CIC: variants seen among roughly 807,000 people sequenced by gnomAD.
CIC encodes capicua transcriptional repressor, also known as protein capicua homolog.
Under a neutral mutation model 115.7 loss-of-function variants are expected in CIC, and 18 were observed. That is an observed-to-expected ratio of 0.16 (90% confidence interval 0.11 to 0.23). The LOEUF (loss-of-function observed/expected upper bound fraction) is 0.23, where lower values mean the gene tolerates loss of function less well. Among genes scored for constraint, CIC ranks in the 10% least tolerant of loss-of-function variants. CIC has a pLI of 1.00. For missense variants in CIC, 2,000 were observed against 2,159.3 expected (o/e 0.93, Z 1.46); for synonymous variants, 1,076 against 923.0 (o/e 1.17, Z -3.01).
chr19:42,284,734 C>G, intron 2 of CIC: 1 of 1,556,666 alleles, frequency 6.4e-7, no homozygotes, highest in Non-Finnish European at 8.7e-7. Flanking sequence ...CCCTGATGCC[C>G]GCGTCCAGCG....
In CIC at chr19:42,274,209, C is replaced by T. The variant is rs182324598; in HGVS notation, c.2426C>T (p.Ser809Leu). The T allele has an allele frequency of 1.3e-5, 5 of 398,844 alleles. No individual in the cohort carries two copies. Among genetic ancestry groups the T allele is most frequent in the Non-Finnish European group, 2.2e-5 (5 of 226,186 alleles). 24.7% of individuals were successfully genotyped at this position (398,844 alleles called of 1,614,324 possible). Reference sequence around the variant, plus strand: ...AGGGTGCCTGCTGTGCAGCGGGACTCACCTGTTATTGTCCGCAACCCTGAT... The same window carrying T: ...AGGGTGCCTGCTGTGCAGCGGGACTTACCTGTTATTGTCCGCAACCCTGAT... ...VRRVPAVQRD[S>L]PVIVRNPDVP... Residue 809 changes from serine to leucine, a missense_variant, in exon 2 of 21, where the codon TCA (serine) becomes TTA (leucine). Ser to Leu is a moderately radical substitution (Grantham distance 145, BLOSUM62 -2). Transcript: ENST00000681038.
intron 2 of CIC, among the ~76,000 whole-genome samples, chr19:42,281,020 C>T (rs926429473): frequency 6.6e-6 from 1 of 151,832 alleles, no homozygotes; most frequent in Non-Finnish European, 1.5e-5. Context: ...ACCCCAGCCC[C>T]ACTCACACTG....
In CIC at chr19:42,278,963, A is replaced by C. The variant is rs545241164; in HGVS notation, c.2794+4386A>C. Among the ~76,000 whole-genome samples the C allele has an allele frequency of 2.8e-3, 425 of 152,342 alleles. 1 individual carries two copies. The highest frequency in any genetic ancestry group is 4.4e-3 in the Non-Finnish European group (299 of 68,018). The stretch of plus-strand genomic sequence containing the variant: ...AGGAGATCCGGCTGTAGGGGGCGGC[A>C]GGAAAGAAGCTTCAGTGCCCACCCA... On this transcript the variant is annotated intron_variant, in intron 2 of 20. Transcript: ENST00000681038.
chr19:42,291,809 C>CT (rs978257107), intron 12 of CIC, 64 bp downstream of exon 12: 116 of 1,588,682 alleles, frequency 7.3e-5, no homozygotes, highest in East Asian at 3.1e-4. Context: ...ATTTCTTTGT[C>CT]TTTTTTTTCA....
rs2036826229 is a variant in CIC, at chr19:42,272,486, C to T, written c.703C>T (p.Pro235Ser). 2.5e-6 allele frequency: 1 copy of T among 398,452 alleles called. No individual in the cohort carries two copies. Among genetic ancestry groups the T allele is most frequent in the African/African-American group, 2.1e-5 (1 of 48,622 alleles). The allele number at this position is 398,452 out of a possible 1,614,324, so 24.7% of individuals were successfully genotyped here. Residue 235 changes from proline (P) to serine (S), a missense_variant, in exon 2 of 21, where the codon CCT (proline) becomes TCT (serine). This residue lies in a region of CIC where 222 missense variants were observed against 247.7 expected (regional missense o/e 0.90). Coordinates refer to ENST00000681038, the MANE Select transcript of CIC (RefSeq NM_001386298.1). ...AAGCCAGGACCTGGGCGTGCAGTTC[C>T]CTGGTGACCGAGCCCTGACTTTCTA... ...RRSQDLGVQFPGDRALTFYEG... is the reference protein window; with the variant it reads ...RRSQDLGVQFSGDRALTFYEG...
chr19:42,291,447 C>T lies in CIC; in HGVS notation c.5406C>T (p.Pro1802=), dbSNP rs1192982503. 6.2e-7 allele frequency: 1 copy of T among 1,612,980 alleles called. No individual in the cohort carries two copies. Among genetic ancestry groups the T allele is most frequent in the Admixed American group, 1.7e-5 (1 of 60,000 alleles). The change falls in exon 11 of 21, where the codon CCC becomes CCT. Residue 1802 remains proline (P), a synonymous_variant. Coordinates refer to ENST00000681038, the MANE Select transcript of CIC (RefSeq NM_001386298.1). Reference sequence around the variant, plus strand: ...GCATCCCCATCCTGCAGTCTGTACCCTCCGCCCCACCCCCCAAAGGTGAGA... The same window carrying T: ...GCATCCCCATCCTGCAGTCTGTACCTTCCGCCCCACCCCCCAAAGGTGAGA... ...TPGIPILQSV[P]SAPPPKAQSV... is the part of the protein sequence containing the mutation.
rs1370848225 is a variant in CIC at position 42,293,635 on chromosome 19, G to A, written c.6566G>A (p.Gly2189Glu). Residue 2189 changes from glycine (G) to glutamate (E), a missense_variant, in exon 17 of 21, where the codon GGG becomes GAG. Physicochemically the swap from Gly to Glu is moderately conservative, Grantham distance 98. Coordinates refer to ENST00000681038, the MANE Select transcript of CIC (RefSeq NM_001386298.1). ...PSSSSDWRVP[G>E]QGLENRGEPP... The stretch of plus-strand genomic sequence containing the variant: ...TCATCTTCAGACTGGCGCGTCCCTG[G>A]GCAGGGCCTGGAGAATCGTGGGGAG... 4 of 1,613,456 alleles carry A rather than the reference G, an allele frequency of 2.5e-6. No individual in the cohort carries two copies. The highest frequency in any genetic ancestry group is 2.2e-5 in the East Asian group (1 of 44,874).
At position 42,273,158 on chromosome 19, in the gene CIC, T is replaced by A; in HGVS notation, c.1375T>A (p.Ser459Thr). The A allele has an allele frequency of 2.5e-6, 1 of 398,562 alleles. No individual in the cohort carries two copies. The highest frequency in any genetic ancestry group is 4.4e-6 in the Non-Finnish European group (1 of 226,094). The allele number at this position is 398,562 out of a possible 1,614,324, so 24.7% of individuals were successfully genotyped here. Reference protein sequence around the residue: ...QGGSRSSSVASLEKGTAPAAR... With the variant: ...QGGSRSSSVATLEKGTAPAAR... ...CGGCAGCCGCAGCAGCAGCGTGGCC[T>A]CCCTGGAAAAGGGGACAGCACCGGC... Residue 459 changes from serine (S) to threonine (T), a missense_variant, in exon 2 of 21, where the codon TCC (serine) becomes ACC (threonine). Ser to Thr is a moderately conservative substitution (Grantham distance 58). This residue lies in a region of CIC where 222 missense variants were observed against 247.7 expected (regional missense o/e 0.90). Transcript: ENST00000681038.
At position 42,271,886 on chromosome 19, in the gene CIC, G is replaced by A; in HGVS notation, c.103G>A (p.Gly35Arg). Residue 35 changes from glycine to arginine, a missense_variant, in exon 2 of 21, where the codon GGG (glycine) becomes AGG (arginine). Around this residue, in one of 8 missense-constraint regions of CIC, gnomAD observed 222 missense variants for 247.7 expected, o/e 0.90. Transcript: ENST00000681038. ...CAAGGCTCTGAGGCGGCGAGGGGCTGGGGAGGGTGACAAGCCAGAGGAGGA... is the reference window on the plus strand; with the variant it reads ...CAAGGCTCTGAGGCGGCGAGGGGCTAGGGAGGGTGACAAGCCAGAGGAGGA... ...RAKALRRRGAGEGDKPEEEDD... is the reference protein window; with the variant it reads ...RAKALRRRGAREGDKPEEEDD... 2.5e-6 allele frequency: 1 copy of A among 398,974 alleles called. No individual in the cohort carries two copies. Among genetic ancestry groups the A allele is most frequent in the Non-Finnish European group, 4.4e-6 (1 of 226,324 alleles). 24.7% of individuals were successfully genotyped at this position (398,974 alleles called of 1,614,324 possible). A position where few individuals can be genotyped will look rare whatever the true frequency, so the allele number is the denominator to read the frequency against.
chr19:42,282,881 AG>A (rs1216841891), intron 2 of CIC, among the ~76,000 whole-genome samples: 2 of 4,344 alleles, frequency 4.6e-4, no homozygotes, highest in Non-Finnish European at 9.4e-4. Flanking sequence ...TTTTTCTGGG[AG>A]GGGGGGCGGG....
At chr19:42,282,451 G>A (rs923592331) in intron 2 of CIC, among the ~76,000 whole-genome samples, 2 of 152,238 alleles carry the variant, frequency 1.3e-5, no homozygotes, top group African/African-American at 4.8e-5. Flanking sequence ...ACTGGGTATG[G>A]CTCCAGGGCC....
rs1227516849 is a variant in CIC at position 42,290,569 on chromosome 19, A to G, written c.4528A>G (p.Lys1510Glu). ...AATGGATCCTGCCACCTTCCGGCGC[A>G]AGAGACCCGAAAGTGTGGGTGGCCT... Reference protein sequence around the residue: ...LPMDPATFRRKRPESVGGLEP... With the variant: ...LPMDPATFRRERPESVGGLEP... Residue 1510 changes from lysine (K) to glutamate (E), a missense_variant, in exon 11 of 21, where the codon AAG becomes GAG. Coordinates refer to ENST00000681038, the MANE Select transcript of CIC (RefSeq NM_001386298.1). The G allele has an allele frequency of 1.9e-6, 3 of 1,613,676 alleles. No homozygotes were observed. The highest frequency in any genetic ancestry group is 8.5e-7 in the Non-Finnish European group (1 of 1,179,918).
intron 9 of CIC, 84 bp downstream of exon 9, chr19:42,289,490 T>TA: frequency 1.1e-5 from 15 of 1,411,440 alleles, no homozygotes; most frequent in Non-Finnish European, 1.5e-5. Flanking sequence ...TCCAGGCCCC[T>TA]AGGCCCCTTT....
intron 2 of CIC, 128 bp downstream of exon 2, chr19:42,274,705 C>G: frequency 2.5e-6 from 1 of 397,750 alleles, no homozygotes; most frequent in African/African-American, 2.1e-5. Context: ...CCTCTCTGCA[C>G]AGATGTTGCT....
chr19:42,287,657 A>G lies in CIC; in HGVS notation c.3422A>G (p.Lys1141Arg). 6.2e-7 allele frequency: 1 copy of G among 1,614,066 alleles called. No individual in the cohort carries two copies. Among genetic ancestry groups the G allele is most frequent in the Non-Finnish European group, 8.5e-7 (1 of 1,180,038 alleles). ...AACCAGGACAACCGGACCGTCAGCA[A>G]GATCCTGGGCGAGTGGTGGTATGCC... ...HPNQDNRTVS[K>R]ILGEWWYALG... The change falls in exon 6 of 21, where the codon AAG becomes AGG. Residue 1141 changes from lysine to arginine, a missense_variant. Physicochemically the swap from Lys to Arg is conservative, Grantham distance 26. Coordinates refer to ENST00000681038, the MANE Select transcript of CIC (RefSeq NM_001386298.1). This position sits in a 1 kb window ranked among gnomAD's most constrained non-coding sequence, Gnocchi z 8.7.
chr19:42,271,724 G>A, intron 1 of CIC, 50 bp from the exon 2 acceptor site: 1 of 398,482 alleles, frequency 2.5e-6, no homozygotes, highest in East Asian at 3.6e-5. Context: ...ACTGGCTCTG[G>A]AGAGGTTCCT....
Position 42,269,362 on chromosome 19 carries a change from G to T in CIC, c.-30G>T, listed in dbSNP as rs1323314088. On this transcript the variant is annotated 5_prime_UTR_variant, in exon 1 of 21. Transcript: ENST00000681038. ...AGCCGGGGCCACGGCCCCCCGCCCC[G>T]AAACCCCGCCGAGCCCAAGGTGAGG... is the stretch of plus-strand genomic sequence containing the variant. The T allele has an allele frequency of 7.1e-6, 1 of 140,818 alleles. No homozygotes were observed. The highest frequency in any genetic ancestry group is 2.2e-4 in the East Asian group (1 of 4,520). 8.7% of individuals were successfully genotyped at this position (140,818 alleles called of 1,614,324 possible).
Position 42,280,380 on chromosome 19 carries a change from C to G in CIC, c.2794+5803C>G, listed in dbSNP as rs954914727. Among the ~76,000 whole-genome samples the G allele has an allele frequency of 6.6e-6, 1 of 152,102 alleles. No individual in the cohort carries two copies. Among genetic ancestry groups the G allele is most frequent in the Non-Finnish European group, 1.5e-5 (1 of 67,972 alleles). On this transcript the variant is annotated intron_variant, in intron 2 of 20. Coordinates refer to ENST00000681038, the MANE Select transcript of CIC (RefSeq NM_001386298.1). The surrounding 1 kb of genome is among the most constrained non-coding windows in gnomAD (Gnocchi z 4.9). ...GCTCCGGGGGCTGTGTAGAAGCGGA[C>G]TGGCACCCAGCGAGGGCCGCGCCCA...
At chr19:42,284,350 C>G (rs1457340369) in intron 2 of CIC, 1 of 145,896 alleles carries the variant, frequency 6.9e-6, no homozygotes, top group Admixed American at 6.8e-5. Context: ...CCCGCCTGCC[C>G]CGCCCGCCGG....
Sources: allele counts gnomAD v4.1 joint callset (sites outside exome capture counted in the v4.1 genomes callset), GRCh38; gene constraint gnomAD v4.1.1; regional missense constraint gnomAD v4.1.1; non-coding constraint Gnocchi (gnomAD v3.1); transcripts MANE v1.5; gene names NCBI Gene and HGNC (gene_info 2026-07-23, HGNC 2026-07-21).